Variants in GALNT11 observed in about 807,000 individuals in gnomAD.
GALNT11 encodes polypeptide N-acetylgalactosaminyltransferase 11.
GALNT11 carries 47 observed loss-of-function variants against 72.7 expected under a neutral mutation model. That is an observed-to-expected ratio of 0.65 (90% confidence interval 0.51 to 0.82). The LOEUF (loss-of-function observed/expected upper bound fraction) is 0.82, where lower values mean the gene tolerates loss of function less well. GALNT11 is among the 40% of genes least tolerant of loss of function. The pLI is 0.00. For missense variants in GALNT11, 677 were observed against 778.4 expected (o/e 0.87, Z 1.55); for synonymous variants, 270 against 286.6 (o/e 0.94, Z 0.58).
At chr7:152,039,548 G>T (rs897753539) in intron 1 of GALNT11, among the ~76,000 whole-genome samples, 1 of 152,026 alleles carries the variant, frequency 6.6e-6, no homozygotes, top group African/African-American at 2.4e-5. Flanking sequence ...GTTTTCTTCC[G>T]CCATCTGTGA....
chr7:152,056,536 C>T (rs1229695466), intron 1 of GALNT11, among the ~76,000 whole-genome samples: 2 of 152,180 alleles, frequency 1.3e-5, no homozygotes, highest in Non-Finnish European at 2.9e-5. Flanking sequence ...CATGTCTACA[C>T]ACCCTTCTAC....
intron 1 of GALNT11, among the ~76,000 whole-genome samples, chr7:152,039,331 G>C (rs2082735576): frequency 6.6e-6 from 1 of 152,136 alleles, no homozygotes; most frequent in African/African-American, 2.4e-5. Flanking sequence ...TCAATTGTAG[G>C]AGCAGATTCA....
At chr7:152,086,535 T>G (rs754525405) in intron 1 of GALNT11, among the ~76,000 whole-genome samples, 1 of 152,188 alleles carries the variant, frequency 6.6e-6, no homozygotes, top group Non-Finnish European at 1.5e-5. Context: ...TGTTGAAAGT[T>G]AGTATATTTT....
intron 1 of GALNT11, among the ~76,000 whole-genome samples, chr7:152,032,825 C>G (rs1408030092): frequency 3.9e-5 from 6 of 152,174 alleles, no homozygotes; most frequent in African/African-American, 1.4e-4. Context: ...CATATCCCTC[C>G]CTAATAAGGG....
rs1206702306 is a variant in GALNT11, at chr7:152,119,606, G to A, written c.1557+824G>A. ...AGGGATTTCTGGGGCCCAGTGCAGA[G>A]GCTCATGCCTGTAATCCCAGCACTT... On this transcript the variant is annotated intron_variant, in intron 10 of 11. Coordinates refer to ENST00000430044, the MANE Select transcript of GALNT11 (RefSeq NM_022087.4). The A allele has an allele frequency of 4.6e-5, 7 of 152,230 alleles. No homozygotes were observed. In the South Asian group the frequency reaches 1.2e-3, roughly 27 times the overall value. The allele number at this position is 152,230 out of a possible 1,614,324, so 9.4% of individuals were successfully genotyped here.
At chr7:152,070,083 G>A (rs541145395) in intron 1 of GALNT11, among the ~76,000 whole-genome samples, 14 of 148,676 alleles carry the variant, frequency 9.4e-5, no homozygotes, top group African/African-American at 3.3e-4. Context: ...TGCAAGCTCC[G>A]CCTCCCGGGT....
chr7:152,068,493 G>A (rs1307054179), intron 1 of GALNT11, among the ~76,000 whole-genome samples: 1 of 152,162 alleles, frequency 6.6e-6, no homozygotes, highest in Non-Finnish European at 1.5e-5. Flanking sequence ...GCAGGTTTTT[G>A]TGTTGGTGAG....
rs145871889 is a variant in GALNT11 at position 152,061,812 on chromosome 7, T to C, written c.-38-32378T>C. On this transcript the variant is annotated intron_variant, in intron 1 of 11. Transcript: ENST00000430044. ...ATGTGTGGTATTATTTCTGAGGGCTTTGTTCTGTTCCATTGGTCTATATCT... is the reference window on the plus strand; with the variant it reads ...ATGTGTGGTATTATTTCTGAGGGCTCTGTTCTGTTCCATTGGTCTATATCT... Among the ~76,000 whole-genome samples, 1,132 of 152,204 alleles carry C rather than the reference T, an allele frequency of 7.4e-3. 15 individuals are homozygous for C. Among genetic ancestry groups the C allele is most frequent in the African/African-American group, 0.026 (1,090 of 41,532 alleles).
chr7:152,065,562 CTTTG>C (rs1416206304), intron 1 of GALNT11, among the ~76,000 whole-genome samples: 3 of 152,122 alleles, frequency 2.0e-5, no homozygotes, highest in Non-Finnish European at 4.4e-5. Flanking sequence ...TTTTTCCTAT[CTTTG>C]TGGTTTTATC....
chr7:152,067,390 G>C (rs2129005425), intron 1 of GALNT11, among the ~76,000 whole-genome samples: 1 of 152,286 alleles, frequency 6.6e-6, no homozygotes, highest in South Asian at 2.1e-4. Flanking sequence ...TCTGTGTGGA[G>C]ATCTGTTATA....
chr7:152,055,938 T>C (rs1431741750), intron 1 of GALNT11, among the ~76,000 whole-genome samples: 1 of 152,164 alleles, frequency 6.6e-6, no homozygotes, highest in Non-Finnish European at 1.5e-5. Context: ...TATACTGTAA[T>C]ATTAAAACCA....
chr7:152,095,419 C>T (rs901460885), intron 2 of GALNT11, among the ~76,000 whole-genome samples: 1 of 151,858 alleles, frequency 6.6e-6, no homozygotes, highest in African/African-American at 2.4e-5. Flanking sequence ...ATTGAGAGAG[C>T]CTTAGAATGT....
intron 1 of GALNT11, among the ~76,000 whole-genome samples, chr7:152,090,997 T>A (rs979891691): frequency 6.6e-6 from 1 of 151,782 alleles, no homozygotes; most frequent in Non-Finnish European, 1.5e-5. Context: ...GACATAGGGG[T>A]AGATGCAGCT....
rs1185378139 is a variant in GALNT11, at chr7:152,037,917, C to T, written c.-39+12033C>T. On this transcript the variant is annotated intron_variant, in intron 1 of 11. Coordinates refer to ENST00000430044, the MANE Select transcript of GALNT11 (RefSeq NM_022087.4). ...CTGAGGAGCTGGGATTACAGTTGCC[C>T]ACCACCACACCCGGCTAATTTTTGT... Among the ~76,000 whole-genome samples the T allele has an allele frequency of 6.6e-5, 10 of 152,040 alleles. No homozygotes were observed. The East Asian group carries it at 1.5e-3, about 24-fold the overall frequency.
intron 1 of GALNT11, among the ~76,000 whole-genome samples, chr7:152,043,552 C>CCT (rs1563043973): frequency 1.3e-5 from 2 of 152,156 alleles, no homozygotes; most frequent in East Asian, 1.9e-4. Flanking sequence ...GGGGTGTACT[C>CCT]TAACAGGGAA....
intron 1 of GALNT11, among the ~76,000 whole-genome samples, chr7:152,050,998 G>A (rs2083369042): frequency 2.0e-5 from 3 of 152,146 alleles, no homozygotes; most frequent in African/African-American, 7.2e-5. Flanking sequence ...GGAGAGGGGT[G>A]GTGTCAGCAA....
At chr7:152,027,856 G>C (rs1485769103) in intron 1 of GALNT11, 2 of 157,680 alleles carry the variant, frequency 1.3e-5, no homozygotes, top group African/African-American at 4.8e-5. Flanking sequence ...TTTGCAGTGA[G>C]TGTTACAGCT....
chr7:152,033,665 T>C (rs759924900), intron 1 of GALNT11, among the ~76,000 whole-genome samples: 6 of 152,340 alleles, frequency 3.9e-5, no homozygotes, highest in South Asian at 2.1e-4. Context: ...GTAGACATCA[T>C]TGAATAATTC....
At chr7:152,032,946 G>A (rs372669751) in intron 1 of GALNT11, among the ~76,000 whole-genome samples, 12 of 152,216 alleles carry the variant, frequency 7.9e-5, no homozygotes, top group South Asian at 6.2e-4. Flanking sequence ...AGGATTCCTC[G>A]GATGGTAATG....
Sources: allele counts gnomAD v4.1 joint callset (sites outside exome capture counted in the v4.1 genomes callset), GRCh38; gene constraint gnomAD v4.1.1; transcripts MANE v1.5; gene names NCBI Gene and HGNC (gene_info 2026-07-23, HGNC 2026-07-21).